NAV3: variants seen among roughly 807,000 people sequenced by gnomAD.
NAV3 encodes the protein neuron navigator 3, also known as pore membrane and/or filament interacting like protein 1.
Under a neutral mutation model 244.7 loss-of-function variants are expected in NAV3, and 87 were observed. The ratio of observed to expected loss-of-function variants is 0.36; its 90% CI spans 0.30 to 0.42. The LOEUF (loss-of-function observed/expected upper bound fraction) is 0.42. Among genes scored for constraint, NAV3 ranks in the 20% least tolerant of loss-of-function variants. The pLI is 1.00. For missense variants in NAV3, 2,663 were observed against 2,893.3 expected (o/e 0.92, Z 1.83); for synonymous variants, 1,126 against 1,042.2 (o/e 1.08, Z -1.55).
intron 1 of NAV3, among the ~76,000 whole-genome samples, chr12:77,920,670 T>C (rs1046171718): frequency 8.5e-5 from 13 of 152,150 alleles, no homozygotes; most frequent in Middle Eastern, 6.8e-3. Context: ...TCAAACACCT[T>C]CTGGTTCATG....
At chr12:77,791,957 A>G (rs1592686636) in intron 2 of NAV3, among the ~76,000 whole-genome samples, 2 of 152,328 alleles carry the variant, frequency 1.3e-5, no homozygotes, top group East Asian at 3.9e-4. Flanking sequence ...AGACTTGAGC[A>G]TCCATGGCTT....
chr12:77,698,095 G>GA (rs1429957140), intron 2 of NAV3, among the ~76,000 whole-genome samples: 1 of 152,046 alleles, frequency 6.6e-6, no homozygotes, highest in Non-Finnish European at 1.5e-5. Flanking sequence ...CCAGAATGTG[G>GA]TATCTAAAGG....
chr12:77,993,838 C>G (rs1009096877), intron 5 of NAV3, among the ~76,000 whole-genome samples: 1 of 152,120 alleles, frequency 6.6e-6, no homozygotes, highest in Non-Finnish European at 1.5e-5. Context: ...GCATGCACAG[C>G]AACCGGATTC....
At chr12:77,585,008 G>A (rs1349809771) in intron 2 of NAV3, among the ~76,000 whole-genome samples, 1 of 152,096 alleles carries the variant, frequency 6.6e-6, no homozygotes, top group Non-Finnish European at 1.5e-5. Context: ...AGTAGGGAGG[G>A]GCAGCCTCAG....
intron 2 of NAV3, among the ~76,000 whole-genome samples, chr12:77,655,566 G>A (rs1469011818): frequency 6.6e-6 from 1 of 152,130 alleles, no homozygotes; most frequent in Non-Finnish European, 1.5e-5. Flanking sequence ...CCCCAATCTA[G>A]CAAGGCAGGC....
chr12:77,997,661 C>T (rs1226585904), intron 6 of NAV3, among the ~76,000 whole-genome samples: 1 of 152,208 alleles, frequency 6.6e-6, no homozygotes, highest in African/African-American at 2.4e-5. Context: ...CACGTCTCCT[C>T]TGTGATCAGT....
At chr12:77,654,433 G>C (rs991093771) in intron 2 of NAV3, among the ~76,000 whole-genome samples, 2 of 152,158 alleles carry the variant, frequency 1.3e-5, no homozygotes, top group East Asian at 3.9e-4. Context: ...GGCTCTCTTA[G>C]GTAAACAAAG....
At chr12:77,605,553 TTTAAGA>T (rs1870633529) in intron 2 of NAV3, among the ~76,000 whole-genome samples, 1 of 152,202 alleles carries the variant, frequency 6.6e-6, no homozygotes, top group African/African-American at 2.4e-5. Flanking sequence ...TATTTTGCTC[TTTAAGA>T]TTAAAGATAA....
At chr12:77,728,633 T>C (rs1226833479) in intron 2 of NAV3, among the ~76,000 whole-genome samples, 2 of 151,922 alleles carry the variant, frequency 1.3e-5, no homozygotes, top group Non-Finnish European at 2.9e-5. Flanking sequence ...GGTTTATGGC[T>C]GGAGAAGTAC....
At chr12:77,668,357 A>T (rs1006586927) in intron 2 of NAV3, among the ~76,000 whole-genome samples, 1 of 152,352 alleles carries the variant, frequency 6.6e-6, no homozygotes, top group Non-Finnish European at 1.5e-5. Flanking sequence ...GAGAAACGTG[A>T]AGTCCAACTT....
intron 2 of NAV3, among the ~76,000 whole-genome samples, chr12:77,767,795 C>A (rs531902729): frequency 1.3e-5 from 2 of 152,296 alleles, no homozygotes; most frequent in Admixed American, 1.3e-4. Context: ...GGTCTGAGAT[C>A]CCCAAAGGGC....
rs964812032 is a variant in NAV3, at chr12:77,705,893, A to G, written c.72+133627A>G. 2.0e-5 allele frequency among the ~76,000 whole-genome samples: 3 copies of G among 151,474 alleles called. No homozygotes were observed. The East Asian group carries it at 5.8e-4, about 29-fold the overall frequency. ...TGTTTTCAGATATTTTATAATAAGT[A>G]TCTTATTTCTGATTGCAAGTTGCAT... On this transcript the variant is annotated intron_variant, in intron 2 of 8. Transcript: ENST00000550042.
chr12:77,605,171 A>G (rs1413706442), intron 2 of NAV3, among the ~76,000 whole-genome samples: 1 of 152,142 alleles, frequency 6.6e-6, no homozygotes, highest in East Asian at 1.9e-4. Context: ...AAATAAAATC[A>G]TGCCTTGCAA....
chr12:78,142,113 G>C (rs1451835833), intron 20 of NAV3, among the ~76,000 whole-genome samples: 1 of 152,072 alleles, frequency 6.6e-6, no homozygotes, highest in Non-Finnish European at 1.5e-5. Context: ...GATTTGGAAT[G>C]TTCCTAACAG....
At chr12:78,112,089 G>C (rs949565228) in intron 12 of NAV3, among the ~76,000 whole-genome samples, 1 of 152,106 alleles carries the variant, frequency 6.6e-6, no homozygotes, top group Non-Finnish European at 1.5e-5. Context: ...CATAGCACTA[G>C]GGCTTCACTG....
Position 77,873,744 on chromosome 12 carries a change from G to GTATATA in NAV3, c.243+42058_243+42063dup, listed in dbSNP as rs556787799. ...CTTATCTAAATACATATGTGTGTGT[G>GTATATA]TATATATATATATATATATATATGT... is the stretch of plus-strand genomic sequence containing the variant. On this transcript the variant is annotated intron_variant, in intron 1 of 39. Transcript: ENST00000397909. Among the ~76,000 whole-genome samples, 613 of 73,118 alleles carry GTATATA rather than the reference G, an allele frequency of 8.4e-3. 10 individuals carry two copies. The highest frequency in any genetic ancestry group is 0.018 in the South Asian group (27 of 1,526). 48.0% of individuals were successfully genotyped at this position (73,118 alleles called of 152,430 possible). A position where few individuals can be genotyped will look rare whatever the true frequency, so the allele number is the denominator to read the frequency against.
chr12:78,102,937 G>A (rs1954610988), intron 12 of NAV3, among the ~76,000 whole-genome samples: 1 of 152,136 alleles, frequency 6.6e-6, no homozygotes. Context: ...CTAGGCTTCT[G>A]GATCAGTGAA....
At chr12:77,707,411 G>A (rs1318212649) in intron 2 of NAV3, among the ~76,000 whole-genome samples, 2 of 152,084 alleles carry the variant, frequency 1.3e-5, no homozygotes, top group Non-Finnish European at 2.9e-5. Context: ...TGGCTGCAGA[G>A]TATTCATTCC....
chr12:78,179,301 A>T (rs796635259), intron 28 of NAV3: 48 of 432,526 alleles, frequency 1.1e-4, no homozygotes, highest in African/African-American at 9.4e-4. Context: ...ACTATTTTTA[A>T]ACTTTAAAAA....
Sources: allele counts gnomAD v4.1 joint callset (sites outside exome capture counted in the v4.1 genomes callset), GRCh38; gene constraint gnomAD v4.1.1; transcripts MANE v1.5; gene names NCBI Gene and HGNC (gene_info 2026-07-23, HGNC 2026-07-21).